The following RARB variants were observed in gnomAD, a reference collection of about 807,000 sequenced individuals.
The protein encoded by RARB is retinoic acid receptor beta.
A neutral mutation model predicts 51.9 loss-of-function variants in RARB; 17 were observed. That is an observed-to-expected ratio of 0.33 (90% CI 0.22 to 0.49). The LOEUF (loss-of-function observed/expected upper bound fraction) is 0.49. Among genes scored for constraint, RARB ranks in the 20% least tolerant of loss-of-function variants. RARB has a pLI of 0.99. For synonymous variants in RARB, 215 were observed against 195.4 expected (o/e 1.10, Z -0.84); for missense variants, 369 against 550.8 (o/e 0.67, Z 3.30).
intron 3 of RARB, among the ~76,000 whole-genome samples, chr3:25,506,670 C>T (rs544742893): frequency 6.6e-5 from 10 of 152,318 alleles, no homozygotes; most frequent in African/African-American, 1.7e-4. Context: ...GCCATTATAG[C>T]GCAAAAGTAG....
chr3:25,468,011 T>TG (rs1176440208), intron 2 of RARB, among the ~76,000 whole-genome samples: 1 of 151,878 alleles, frequency 6.6e-6, no homozygotes, highest in African/African-American at 2.4e-5. Flanking sequence ...CCTGATGTGA[T>TG]GGGGGTCAGG....
chr3:25,021,900 A>G (rs908049299), intron 2 of RARB, among the ~76,000 whole-genome samples: 24 of 152,174 alleles, frequency 1.6e-4, no homozygotes, highest in Admixed American at 1.3e-3. Context: ...GATTGTATTT[A>G]TACATTTTAA....
intron 2 of RARB, among the ~76,000 whole-genome samples, chr3:24,877,356 T>TTTTTTTTTTTTTTTTTTG: frequency 6.9e-6 from 1 of 144,418 alleles, no homozygotes; most frequent in Non-Finnish European, 1.5e-5. Context: ...CTTTTTTTTT[T>TTTTTTTTTTTTTTTTTTG]TTTTTTTGGA....
intron 2 of RARB, among the ~76,000 whole-genome samples, chr3:25,467,421 C>G (rs911699516): frequency 2.0e-5 from 3 of 152,232 alleles, no homozygotes; most frequent in East Asian, 1.9e-4. Flanking sequence ...ATCCTCTCCC[C>G]CTGTTGTTGC....
chr3:25,235,508 G>GT (rs1350436054), intron 5 of RARB, among the ~76,000 whole-genome samples: 1 of 152,152 alleles, frequency 6.6e-6, no homozygotes, highest in African/African-American at 2.4e-5. Context: ...AAGTTGAAAG[G>GT]TGTTTAGTCT....
intron 2 of RARB, among the ~76,000 whole-genome samples, chr3:25,019,789 A>C (rs553555375): frequency 2.6e-5 from 4 of 152,152 alleles, no homozygotes; most frequent in Admixed American, 2.6e-4. Context: ...AGGGCAGCAC[A>C]TTTTGGAAAG....
At chr3:24,852,500 A>G (rs932414570) in intron 1 of RARB, among the ~76,000 whole-genome samples, 1 of 152,202 alleles carries the variant, frequency 6.6e-6, no homozygotes, top group African/African-American at 2.4e-5. Flanking sequence ...CAGGATTTCT[A>G]TTTCTAGGAA....
At chr3:25,272,072 A>T (rs1321903838) in intron 5 of RARB, among the ~76,000 whole-genome samples, 4 of 152,240 alleles carry the variant, frequency 2.6e-5, no homozygotes, top group African/African-American at 9.6e-5. Context: ...CAAGCTGGCA[A>T]TATTGAGTAC....
chr3:25,468,195 C>A (rs563199608), intron 2 of RARB, among the ~76,000 whole-genome samples: 138 of 152,164 alleles, frequency 9.1e-4, no homozygotes, highest in African/African-American at 3.3e-3. Flanking sequence ...CAAGTTTGAA[C>A]CCAGTACCAT....
At chr3:25,414,981 A>G (rs573617266) in intron 5 of RARB, among the ~76,000 whole-genome samples, 1 of 152,262 alleles carries the variant, frequency 6.6e-6, no homozygotes, top group South Asian at 2.1e-4. Flanking sequence ...AGCTGGGATT[A>G]CAGGCACCTG....
intron 5 of RARB, among the ~76,000 whole-genome samples, chr3:25,192,766 A>T (rs748168466): frequency 2.0e-5 from 3 of 152,042 alleles, no homozygotes; most frequent in Non-Finnish European, 2.9e-5. Flanking sequence ...TGTTGAAAAC[A>T]CCAGTGTCAC....
At chr3:25,408,839 G>A (rs1353729517) in intron 5 of RARB, among the ~76,000 whole-genome samples, 2 of 152,126 alleles carry the variant, frequency 1.3e-5, no homozygotes, top group African/African-American at 4.8e-5. Flanking sequence ...TTCAAGACCA[G>A]CCTGGCCATC....
chr3:24,882,493 G>C (rs539439289), intron 2 of RARB, among the ~76,000 whole-genome samples: 2 of 152,316 alleles, frequency 1.3e-5, no homozygotes, highest in South Asian at 4.1e-4. Context: ...AATGGAACTT[G>C]ATAATCTGCA....
At chr3:25,426,185 A>C (rs780305173), upstream of RARB, among the ~76,000 whole-genome samples, 1 of 152,228 alleles carries the variant, frequency 6.6e-6, no homozygotes, top group Non-Finnish European at 1.5e-5. Flanking sequence ...ACAGTGTGTT[A>C]AATGTTTTGT....
chr3:24,849,336 C>T (rs1559370731), intron 1 of RARB, among the ~76,000 whole-genome samples: 2 of 152,118 alleles, frequency 1.3e-5, no homozygotes, highest in Non-Finnish European at 2.9e-5. Context: ...CTGTATATGC[C>T]GCGTGTGTTC....
chr3:25,395,201 TTTTG>T (rs1707082416), intron 5 of RARB, among the ~76,000 whole-genome samples: 1 of 152,198 alleles, frequency 6.6e-6, no homozygotes. Context: ...CTGATAATTG[TTTTG>T]TTTAAGGACG....
At chr3:24,910,028 T>C (rs1344419797) in intron 2 of RARB, among the ~76,000 whole-genome samples, 1 of 152,188 alleles carries the variant, frequency 6.6e-6, no homozygotes, top group Non-Finnish European at 1.5e-5. Flanking sequence ...GAAAAGCTCC[T>C]ACATACTAGG....
chr3:25,065,770 A>T (rs967501060), intron 3 of RARB, among the ~76,000 whole-genome samples: 1 of 152,190 alleles, frequency 6.6e-6, no homozygotes, highest in Non-Finnish European at 1.5e-5. Context: ...CACATGAAGA[A>T]TGATGTCAAA....
chr3:24,976,001 T>C (rs533636710), intron 2 of RARB, among the ~76,000 whole-genome samples: 1 of 152,322 alleles, frequency 6.6e-6, no homozygotes, highest in Non-Finnish European at 1.5e-5. Context: ...CTCCCACTTA[T>C]GAGTGAGAAC....
Sources: allele counts gnomAD v4.1 joint callset (sites outside exome capture counted in the v4.1 genomes callset), GRCh38; gene constraint gnomAD v4.1.1; transcripts MANE v1.5; gene names NCBI Gene and HGNC (gene_info 2026-07-23, HGNC 2026-07-21).